The following RNF4 variants were observed in gnomAD, a reference collection of about 807,000 sequenced individuals.
The protein encoded by RNF4 is ring finger protein 4.
In RNF4, 7 loss-of-function variants were observed where a neutral mutation model predicts 24.3. The ratio of observed to expected loss-of-function variants is 0.29; its 90% CI spans 0.16 to 0.54. RNF4 has a LOEUF of 0.54. Ranked by LOEUF, RNF4 falls within the 20% of genes least tolerant of loss-of-function variation. RNF4 has a pLI of 0.95. For synonymous variants in RNF4, 83 were observed against 84.3 expected (o/e 0.98, Z 0.09); for missense variants, 209 against 248.5 (o/e 0.84, Z 1.07).
chr4:2,510,672 G>T (rs1012750299), intron 4 of RNF4, among the ~76,000 whole-genome samples: 9 of 152,250 alleles, frequency 5.9e-5, no homozygotes, highest in African/African-American at 2.2e-4. Flanking sequence ...CTGTAGGGCA[G>T]GATGTCCTGC....
intron 1 of RNF4, among the ~76,000 whole-genome samples, chr4:2,483,690 G>C (rs1288237522): frequency 6.6e-6 from 1 of 152,034 alleles, no homozygotes; most frequent in East Asian, 1.9e-4. Flanking sequence ...TGTAATCCCA[G>C]CTAGTTGGGA....
Position 2,513,879 on chromosome 4 carries a change from G to A in RNF4, c.*60G>A. 6.2e-7 allele frequency: 1 copy of A among 1,601,318 alleles called. No individual in the cohort carries two copies. The highest frequency in any genetic ancestry group is 1.3e-5 in the African/African-American group (1 of 74,636). On this transcript the variant is annotated 3_prime_UTR_variant, in exon 8 of 8. Transcript: ENST00000314289. ...AGACAGACAGCCAGGTTCTCCAGTG[G>A]TATCTGCCTCCATTTTCCTGAGATC... is the stretch of plus-strand genomic sequence containing the variant.
At chr4:2,490,248 G>A (rs1417565724) in intron 1 of RNF4, 89 bp from the exon 2 acceptor site, 1 of 489,702 alleles carries the variant, frequency 2.0e-6, no homozygotes. Flanking sequence ...ATAACCTAGG[G>A]ACAGGAAGGA....
At chr4:2,475,228 C>T (rs765852240) in intron 1 of RNF4, among the ~76,000 whole-genome samples, 11 of 152,312 alleles carry the variant, frequency 7.2e-5, no homozygotes, top group Admixed American at 2.6e-4. Context: ...TGCATTGGTG[C>T]GATCGTAACT....
chr4:2,492,228 A>G (rs970015697), intron 2 of RNF4, among the ~76,000 whole-genome samples: 5 of 151,740 alleles, frequency 3.3e-5, no homozygotes, highest in Non-Finnish European at 5.9e-5. Flanking sequence ...TCATTTTTGT[A>G]GGCATGGAGT....
At chr4:2,485,652 C>T (rs765851846) in intron 1 of RNF4, among the ~76,000 whole-genome samples, 1 of 152,132 alleles carries the variant, frequency 6.6e-6, no homozygotes, top group Non-Finnish European at 1.5e-5. Flanking sequence ...CTCTCCTGAC[C>T]ATCCCCAGTT....
At chr4:2,513,217 TG>T (rs1447604759) in intron 7 of RNF4, 86 bp downstream of exon 7, 1 of 1,305,934 alleles carries the variant, frequency 7.7e-7, no homozygotes, top group African/African-American at 1.5e-5. Flanking sequence ...TCCCCCTCGG[TG>T]GGATTGGACA....
chr4:2,477,773 G>C (rs2075549610), intron 1 of RNF4, among the ~76,000 whole-genome samples: 1 of 152,140 alleles, frequency 6.6e-6, no homozygotes, highest in Admixed American at 6.5e-5. Flanking sequence ...CCCAGTCTCA[G>C]GTATGTCTTT....
intron 3 of RNF4, among the ~76,000 whole-genome samples, chr4:2,497,938 A>C (rs1735788510): frequency 6.6e-6 from 1 of 152,108 alleles, no homozygotes; most frequent in Non-Finnish European, 1.5e-5. Flanking sequence ...CCGGCCATGC[A>C]AACTCGCGTT....
chr4:2,508,662 G>A lies in RNF4; in HGVS notation c.205-3294G>A, dbSNP rs148388874. ...TTTCACTCTTGTTGCCCAGGCTGGAGTGCAGTGGTGCAATCTCGGCTCACC... is the reference window on the plus strand; with the variant it reads ...TTTCACTCTTGTTGCCCAGGCTGGAATGCAGTGGTGCAATCTCGGCTCACC... On this transcript the variant is annotated intron_variant, in intron 4 of 7. Transcript: ENST00000314289. Among the ~76,000 whole-genome samples the A allele has an allele frequency of 8.3e-3, 1,263 of 152,276 alleles. 21 individuals carry two copies. The highest frequency in any genetic ancestry group is 0.028 in the African/African-American group (1,161 of 41,554).
chr4:2,483,145 T>C (rs545266611), intron 1 of RNF4, among the ~76,000 whole-genome samples: 1 of 152,320 alleles, frequency 6.6e-6, no homozygotes, highest in Non-Finnish European at 1.5e-5. Flanking sequence ...CATGGGTAGT[T>C]TTTTGTTGCT....
intron 1 of RNF4, among the ~76,000 whole-genome samples, chr4:2,486,723 A>G (rs1272339727): frequency 6.6e-6 from 1 of 152,158 alleles, no homozygotes; most frequent in African/African-American, 2.4e-5. Flanking sequence ...GGAAGCCTCA[A>G]TATCAGTGAA....
At chr4:2,469,884 G>A (rs1052489470) in intron 1 of RNF4, 1 of 152,344 alleles carries the variant, frequency 6.6e-6, no homozygotes, top group African/African-American at 2.4e-5. Context: ...TTGCGGCCCA[G>A]CCCTGCACCG....
intron 2 of RNF4, 37 bp from the exon 3 acceptor site, chr4:2,496,970 G>T: frequency 1.4e-6 from 2 of 1,455,996 alleles, no homozygotes; most frequent in Non-Finnish European, 1.9e-6. Context: ...TGACATTCTG[G>T]TGTTCATGTG....
At chr4:2,500,407 G>A (rs894205318) in intron 3 of RNF4, among the ~76,000 whole-genome samples, 5 of 152,048 alleles carry the variant, frequency 3.3e-5, no homozygotes, top group South Asian at 2.1e-4. Context: ...ATGCACATGC[G>A]CACACATACA....
intron 1 of RNF4, among the ~76,000 whole-genome samples, chr4:2,483,968 AG>A (rs1490330364): frequency 2.7e-5 from 4 of 146,736 alleles, no homozygotes; most frequent in Non-Finnish European, 4.5e-5. Flanking sequence ...CTGGGATTAC[AG>A]GCGCCCACCA....
At chr4:2,473,327 T>C (rs1186108403) in intron 1 of RNF4, among the ~76,000 whole-genome samples, 1 of 151,960 alleles carries the variant, frequency 6.6e-6, no homozygotes, top group Non-Finnish European at 1.5e-5. Flanking sequence ...GAGGCTGCAG[T>C]GAGCCGAGAT....
At chr4:2,484,777 C>T (rs992816896) in intron 1 of RNF4, among the ~76,000 whole-genome samples, 6 of 152,176 alleles carry the variant, frequency 3.9e-5, no homozygotes, top group East Asian at 1.9e-4. Flanking sequence ...ACCTCTCTGT[C>T]CTATACTCTG....
chr4:2,475,438 A>T (rs896668490), intron 1 of RNF4, among the ~76,000 whole-genome samples: 1 of 152,112 alleles, frequency 6.6e-6, no homozygotes, highest in Non-Finnish European at 1.5e-5. Context: ...TCCCAGGTTC[A>T]CGCCATTCTC....
Sources: allele counts gnomAD v4.1 joint callset (sites outside exome capture counted in the v4.1 genomes callset), GRCh38; gene constraint gnomAD v4.1.1; transcripts MANE v1.5; gene names NCBI Gene and HGNC (gene_info 2026-07-23, HGNC 2026-07-21).